Variants in MCF2L observed in about 807,000 individuals in gnomAD.
MCF2L encodes guanine nucleotide exchange factor DBS.
MCF2L carries 97 observed loss-of-function variants against 153.4 expected under a neutral mutation model. The observed-to-expected ratio is 0.63, with a 90% confidence interval of 0.54 to 0.75. MCF2L has a LOEUF of 0.75. Ranked by LOEUF, MCF2L falls within the 30% of genes least tolerant of loss-of-function variation. MCF2L has a pLI of 0.00. For synonymous variants in MCF2L, 659 were observed against 632.2 expected, an observed-to-expected ratio of 1.04 and a Z score of -0.64; for missense variants, 1,347 against 1,495.2, an observed-to-expected ratio of 0.90 and a Z score of 1.64.
chr13:113,064,298 C>T lies in MCF2L; in HGVS notation c.490-6C>T. 1 of 1,602,644 alleles carries T rather than the reference C, an allele frequency of 6.2e-7. No individual in the cohort carries two copies. The highest frequency in any genetic ancestry group is 8.5e-7 in the Non-Finnish European group (1 of 1,170,506). ...AACACTACCACGCATTCCCTTTCTC[C>T]TCCAGGTCATAATGCTGAGCTCCGT... On this transcript the variant is annotated splice_polypyrimidine_tract_variant and splice_region_variant and intron_variant, in intron 5 of 29. Transcript: ENST00000535094. The surrounding 1 kb of genome is among the most constrained non-coding windows in gnomAD (Gnocchi z 6.0).
intron 2 of MCF2L, among the ~76,000 whole-genome samples, chr13:113,016,401 G>A (rs1327532766): frequency 2.6e-5 from 4 of 152,284 alleles, no homozygotes; most frequent in African/African-American, 9.6e-5. Flanking sequence ...CTGCAGCTGG[G>A]GGCACAGCTC....
intron 2 of MCF2L, among the ~76,000 whole-genome samples, chr13:112,949,030 C>T (rs1457169459): frequency 6.6e-6 from 1 of 152,238 alleles, no homozygotes; most frequent in Non-Finnish European, 1.5e-5. Context: ...CTACTGCACT[C>T]CCACCTGGGT....
intron 2 of MCF2L, among the ~76,000 whole-genome samples, chr13:112,944,447 T>G (rs1204188176): frequency 1.3e-5 from 2 of 151,832 alleles, no homozygotes; most frequent in Non-Finnish European, 2.9e-5. Context: ...CTCTGTGGAG[T>G]TGGGGGATGC....
At chr13:112,897,700 C>T (rs2081081171) in intron 1 of MCF2L, among the ~76,000 whole-genome samples, 1 of 152,214 alleles carries the variant, frequency 6.6e-6, no homozygotes, top group African/African-American at 2.4e-5. Context: ...TCGCAGTCAC[C>T]ATCTTCACTT....
intron 9 of MCF2L, among the ~76,000 whole-genome samples, chr13:113,072,036 G>C (rs1308108708): frequency 6.6e-6 from 1 of 152,156 alleles, no homozygotes; most frequent in African/African-American, 2.4e-5. Context: ...GTGTCGAGTA[G>C]TTCTCAGCAC....
At chr13:112,988,396 G>A (rs569730025) in intron 1 of MCF2L, among the ~76,000 whole-genome samples, 5 of 152,232 alleles carry the variant, frequency 3.3e-5, no homozygotes, top group Admixed American at 2.0e-4. Flanking sequence ...GCCCGGGCAC[G>A]TGAACCTTTC....
intron 1 of MCF2L, among the ~76,000 whole-genome samples, chr13:112,999,672 A>G (rs2141033256): frequency 6.6e-6 from 1 of 152,138 alleles, no homozygotes; most frequent in Admixed American, 6.5e-5. Flanking sequence ...GGTGTTTGGT[A>G]CATGTGTCCC....
At chr13:112,981,820 C>T (rs533517223) in intron 1 of MCF2L, among the ~76,000 whole-genome samples, 5 of 152,368 alleles carry the variant, frequency 3.3e-5, no homozygotes, top group African/African-American at 9.6e-5. Context: ...CTGGCATGGA[C>T]GCCTGGGGAC....
intron 3 of MCF2L, among the ~76,000 whole-genome samples, chr13:113,037,594 C>A (rs1301175916): frequency 6.6e-6 from 1 of 152,180 alleles, no homozygotes; most frequent in Non-Finnish European, 1.5e-5. Context: ...TTGTAGCCAA[C>A]TGATATTTCC....
chr13:113,074,740 C>T lies in MCF2L; in HGVS notation c.1116+177C>T, dbSNP rs2033279134. On this transcript the variant is annotated intron_variant, in intron 10 of 29. Transcript: ENST00000535094. This position sits in a 1 kb window ranked among gnomAD's most constrained non-coding sequence, Gnocchi z 4.2. ...TACCCCTCCCCTCCCACACCCCACC[C>T]ACAGCACATGGCCCTGCCCGGCCTC... 6.6e-6 allele frequency among the ~76,000 whole-genome samples: 1 copy of T among 152,144 alleles called. No homozygotes were observed. Among genetic ancestry groups the T allele is most frequent in the South Asian group, 2.1e-4 (1 of 4,832 alleles).
intron 3 of MCF2L, among the ~76,000 whole-genome samples, chr13:113,026,617 C>T (rs533387444): frequency 7.2e-5 from 11 of 152,306 alleles, no homozygotes; most frequent in East Asian, 3.9e-4. Flanking sequence ...TTCTTAATGC[C>T]GAGGAGCCCA....
chr13:112,945,948 T>C (rs1305367857), intron 2 of MCF2L, among the ~76,000 whole-genome samples: 2 of 152,188 alleles, frequency 1.3e-5, no homozygotes, highest in African/African-American at 2.4e-5. Flanking sequence ...GTGGCTTCCA[T>C]GTGGCTTCAG....
chr13:113,099,489 G>A lies in MCF2L; in HGVS notation c.*2630G>A, dbSNP rs1287804405. On this transcript the variant is annotated 3_prime_UTR_variant, in exon 30 of 30. Coordinates refer to ENST00000535094, the MANE Select transcript of MCF2L (RefSeq NM_001112732.3). ...GCCACGGCCAGCTCAGATTGGTGTCGACAGCTTAGTGGTGTCTGATTTTAT... is the reference window on the plus strand; with the variant it reads ...GCCACGGCCAGCTCAGATTGGTGTCAACAGCTTAGTGGTGTCTGATTTTAT... 2.0e-5 allele frequency: 3 copies of A among 152,172 alleles called. No individual in the cohort carries two copies. The highest frequency in any genetic ancestry group is 2.1e-4 in the South Asian group (1 of 4,826). 9.4% of individuals were successfully genotyped at this position (152,172 alleles called of 1,614,324 possible).
chr13:112,983,771 T>A lies in MCF2L; in HGVS notation c.79+14313T>A, dbSNP rs1054109402. 6.6e-6 allele frequency among the ~76,000 whole-genome samples: 1 copy of A among 152,092 alleles called. No individual in the cohort carries two copies. Among genetic ancestry groups the A allele is most frequent in the Non-Finnish European group, 1.5e-5 (1 of 68,018 alleles). ...GGGCCTTCCCTTCTGCCTGGCTTCC[T>A]CCTCCTCCACCCGTCCACCTGTGTG... On this transcript the variant is annotated intron_variant, in intron 1 of 29. Transcript: ENST00000535094. This position sits in a 1 kb window ranked among gnomAD's most constrained non-coding sequence, Gnocchi z 4.0.
chr13:112,911,455 C>T (rs969684109), intron 2 of MCF2L, among the ~76,000 whole-genome samples: 2 of 152,254 alleles, frequency 1.3e-5, no homozygotes, highest in South Asian at 2.1e-4. Flanking sequence ...TCTTCTCTCC[C>T]AGCGTGGCCG....
chr13:112,922,842 A>G (rs1257221061), intron 2 of MCF2L, among the ~76,000 whole-genome samples: 3 of 152,248 alleles, frequency 2.0e-5, no homozygotes, highest in Non-Finnish European at 4.4e-5. Flanking sequence ...CTCTACAAAC[A>G]AACAAACAAA....
intron 1 of MCF2L, among the ~76,000 whole-genome samples, chr13:112,981,599 G>C (rs932370946): frequency 2.0e-5 from 3 of 152,244 alleles, no homozygotes; most frequent in African/African-American, 7.2e-5. Flanking sequence ...CAGATCACCT[G>C]GGTGTAGTGA....
At chr13:113,072,356 C>T (rs995925545) in intron 9 of MCF2L, among the ~76,000 whole-genome samples, 2 of 152,158 alleles carry the variant, frequency 1.3e-5, no homozygotes, top group African/African-American at 2.4e-5. Context: ...TGCCCCACTG[C>T]GTACTGCCCC....
At chr13:113,029,342 G>A (rs1028621655) in intron 3 of MCF2L, among the ~76,000 whole-genome samples, 2 of 152,216 alleles carry the variant, frequency 1.3e-5, no homozygotes, top group South Asian at 2.1e-4. Flanking sequence ...TGTCCTTCCA[G>A]AGAGAGTGAA....
Sources: allele counts gnomAD v4.1 joint callset (sites outside exome capture counted in the v4.1 genomes callset), GRCh38; gene constraint gnomAD v4.1.1; non-coding constraint Gnocchi (gnomAD v3.1); transcripts MANE v1.5; gene names NCBI Gene and HGNC (gene_info 2026-07-23, HGNC 2026-07-21).